Variants in ZNF214 observed in about 807,000 individuals in gnomAD.
ZNF214 encodes the protein zinc finger protein 214, also known as BWSCR2-associated zinc finger protein 1.
A neutral mutation model predicts 53.9 loss-of-function variants in ZNF214; 43 were observed. The observed-to-expected ratio is 0.80, with a 90% confidence interval of 0.63 to 1.03. The LOEUF (loss-of-function observed/expected upper bound fraction) is 1.03, where lower values mean the gene tolerates loss of function less well. ZNF214 is among the 50% of genes least tolerant of loss of function. The pLI, the probability that ZNF214 is intolerant of heterozygous loss-of-function variation, is 0.00. For synonymous variants in ZNF214, 217 were observed against 229.5 expected (o/e 0.95, Z 0.49); for missense variants, 724 against 719.1 (o/e 1.01, Z -0.08).
In ZNF214 at chr11:7,000,663, A is replaced by T; in HGVS notation, c.1020T>A (p.Ser340Arg). The part of the protein sequence containing the change: ...FYKIECDKDL[S>R]RNSLLHIHQR... ...GGTGAATGTGAAGTAATGAATTTCTACTGAGGTCTTTATCACACTCAATTT... is the reference window on the plus strand; with the variant it reads ...GGTGAATGTGAAGTAATGAATTTCTTCTGAGGTCTTTATCACACTCAATTT... Residue 340 changes from serine (S) to arginine (R), a missense_variant, in exon 3 of 3, where the codon AGT (serine) becomes AGA (arginine). Physicochemically the swap from Ser to Arg is moderately radical, Grantham distance 110. Transcript: ENST00000278314. 6.3e-7 allele frequency: 1 copy of T among 1,599,306 alleles called. No homozygotes were observed. The highest frequency in any genetic ancestry group is 2.2e-5 in the East Asian group (1 of 44,808).
Position 7,000,992 on chromosome 11 carries a change from T to C in ZNF214, c.691A>G (p.Asn231Asp). ...CNKCKGIYYWNSRCVFHKRNQ... is the reference protein window; with the variant it reads ...CNKCKGIYYWDSRCVFHKRNQ... Reference sequence around the variant, plus strand: ...CTCTTGTGGAAAACACACCGTGAGTTCCAATAATAAATTCCTTTACATTTA... The same window carrying C: ...CTCTTGTGGAAAACACACCGTGAGTCCCAATAATAAATTCCTTTACATTTA... Residue 231 changes from asparagine to aspartate, a missense_variant, in exon 3 of 3, where the codon AAC becomes GAC. Physicochemically the swap from Asn to Asp is conservative, Grantham distance 23 (BLOSUM62 1). Coordinates refer to ENST00000278314, the MANE Select transcript of ZNF214 (RefSeq NM_013249.4). 1 of 1,613,062 alleles carries C rather than the reference T, an allele frequency of 6.2e-7. No individual in the cohort carries two copies. Among genetic ancestry groups the C allele is most frequent in the Non-Finnish European group, 8.5e-7 (1 of 1,179,558 alleles).
rs78845975 is a variant in ZNF214, at chr11:6,999,111, T to C, written c.*751A>G. Among the ~76,000 whole-genome samples, 5,177 of 152,016 alleles carry C rather than the reference T, an allele frequency of 0.034. 301 individuals carry two copies. Among genetic ancestry groups the C allele is most frequent in the African/African-American group, 0.12 (4,857 of 41,476 alleles). ...CTTCCATTTCTAGCACTTTTGTCCA[T>C]ACCCTTCACACCTTAGAGAAAATTC... is the stretch of plus-strand genomic sequence containing the variant. On this transcript the variant is annotated 3_prime_UTR_variant, in exon 3 of 3. Transcript: ENST00000278314.
rs553485775 is a variant in ZNF214 at position 6,998,819 on chromosome 11, A to T, written c.*1043T>A. Reference sequence around the variant, plus strand: ...TTTCTTCAGTATTGCAATTCCCTCTAATTTTCCTAAACATGTCCACTTTTT... The same window carrying T: ...TTTCTTCAGTATTGCAATTCCCTCTTATTTTCCTAAACATGTCCACTTTTT... On this transcript the variant is annotated 3_prime_UTR_variant, in exon 3 of 3. Transcript: ENST00000278314. Among the ~76,000 whole-genome samples, 2 of 151,964 alleles carry T rather than the reference A, an allele frequency of 1.3e-5. No homozygotes were observed. The highest frequency in any genetic ancestry group is 4.8e-5 in the African/African-American group (2 of 41,500).
At position 6,997,229 on chromosome 11, in the gene ZNF214, T is replaced by C. The variant is rs537884360; in HGVS notation, c.*2633A>G. ...GTATTTTTGCCCAACTTAATGAGTT[T>C]AAATTAGTGCACTTTTCACCTTTAA... On this transcript the variant is annotated 3_prime_UTR_variant, in exon 3 of 3. Transcript: ENST00000278314. Among the ~76,000 whole-genome samples, 2 of 152,020 alleles carry C rather than the reference T, an allele frequency of 1.3e-5. No individual in the cohort carries two copies. The highest frequency in any genetic ancestry group is 4.8e-5 in the African/African-American group (2 of 41,552).
intron 1 of ZNF214, among the ~76,000 whole-genome samples, chr11:7,017,672 G>A (rs7108136): frequency 0.15 from 22,968 of 151,590 alleles, 2,148 homozygotes; most frequent in Non-Finnish European, 0.21. Flanking sequence ...CAGGGAGGCT[G>A]AGGTTGCAGT....
rs561893018 is a variant in ZNF214, at chr11:7,008,984, A to G, written c.-20-6129T>C. ...TTCTATGCTTATGGATAGACTCAAC[A>G]TAATCAAAATGGCCATACTGAAGCA... On this transcript the variant is annotated intron_variant, in intron 1 of 2. Coordinates refer to ENST00000278314, the MANE Select transcript of ZNF214 (RefSeq NM_013249.4). Among the ~76,000 whole-genome samples, 7 of 152,226 alleles carry G rather than the reference A, an allele frequency of 4.6e-5. No homozygotes were observed. In the East Asian group the frequency reaches 1.4e-3, roughly 29 times the overall value.
intron 1 of ZNF214, among the ~76,000 whole-genome samples, chr11:7,008,396 G>C (rs1851524200): frequency 6.6e-6 from 1 of 152,076 alleles, no homozygotes; most frequent in Non-Finnish European, 1.5e-5. Flanking sequence ...TTGTACCACT[G>C]CACTCCAGCC....
chr11:7,005,994 A>G (rs945446436), intron 1 of ZNF214, among the ~76,000 whole-genome samples: 1 of 152,042 alleles, frequency 6.6e-6, no homozygotes, highest in Admixed American at 6.6e-5. Context: ...GCAATCACCA[A>G]CTATGACCAG....
chr11:7,010,523 C>T (rs1415122485), intron 1 of ZNF214, among the ~76,000 whole-genome samples: 5 of 151,058 alleles, frequency 3.3e-5, no homozygotes, highest in Admixed American at 6.6e-5. Flanking sequence ...TCATGACTCA[C>T]AATTTATATA....
chr11:7,014,816 A>C (rs918833642), intron 1 of ZNF214, among the ~76,000 whole-genome samples: 6 of 149,102 alleles, frequency 4.0e-5, no homozygotes, highest in Non-Finnish European at 7.4e-5. Context: ...AAAAAAAAAA[A>C]AAACAAAAAA....
chr11:7,006,250 A>C (rs1279332617), intron 1 of ZNF214, among the ~76,000 whole-genome samples: 1 of 151,988 alleles, frequency 6.6e-6, no homozygotes, highest in Non-Finnish European at 1.5e-5. Context: ...TCCTTGACCA[A>C]CTAGGATGTA....
Position 7,001,131 on chromosome 11 carries a change from G to A in ZNF214, c.552C>T (p.Leu184=), listed in dbSNP as rs763371438. The change falls in exon 3 of 3, where the codon CTC becomes CTT. Residue 184 remains leucine, a synonymous_variant. Transcript: ENST00000278314. ...KNLSMEKEQK[L]IVQHSYIPVE... ...CTGGGATATAAGAATGCTGAACTAT[G>A]AGCTTCTGTTCTTTTTCCATGGAGA... 23 of 1,613,322 alleles carry A rather than the reference G, an allele frequency of 1.4e-5. No individual in the cohort carries two copies. The highest frequency in any genetic ancestry group is 2.2e-5 in the South Asian group (2 of 91,050).
In ZNF214 at chr11:6,999,875, C is replaced by G; in HGVS notation, c.1808G>C (p.Arg603Thr). The G allele has an allele frequency of 6.2e-7, 1 of 1,606,092 alleles. No homozygotes were observed. Among genetic ancestry groups the G allele is most frequent in the South Asian group, 1.1e-5 (1 of 90,366 alleles). The change falls in exon 3 of 3, where the codon AGA becomes ACA. Residue 603 changes from arginine to threonine, a missense_variant. Physicochemically the swap from Arg to Thr is moderately conservative, Grantham distance 71. Transcript: ENST00000278314. ...HNSHLHNNHRRGNL is the reference protein window; with the variant it reads ...HNSHLHNNHRTGNL The stretch of plus-strand genomic sequence containing the variant: ...AATGAACAATATTTATAAGTTTCCT[C>G]TTCTATGATTATTGTGAAGATGTGA...
At chr11:7,014,277 T>C (rs34775039) in intron 1 of ZNF214, among the ~76,000 whole-genome samples, 23,088 of 152,240 alleles carry the variant, frequency 0.15, 2,160 homozygotes, top group Non-Finnish European at 0.21. Context: ...ATTACACATG[T>C]ATACCAAAAG....
In ZNF214 at chr11:6,997,337, G is replaced by A. The variant is rs1440441278; in HGVS notation, c.*2525C>T. Among the ~76,000 whole-genome samples, 1 of 151,720 alleles carries A rather than the reference G, an allele frequency of 6.6e-6. No homozygotes were observed. The highest frequency in any genetic ancestry group is 1.5e-5 in the Non-Finnish European group (1 of 67,822). The stretch of plus-strand genomic sequence containing the variant: ...TTTAAGCAATATCACATTTTCATCT[G>A]TTATAGCACATAATTAGAAATTTTT... On this transcript the variant is annotated 3_prime_UTR_variant, in exon 3 of 3. Coordinates refer to ENST00000278314, the MANE Select transcript of ZNF214 (RefSeq NM_013249.4).
Position 7,001,361 on chromosome 11 carries a change from T to A in ZNF214, c.322A>T (p.Ile108Leu). Reference sequence around the variant, plus strand: ...TACCCTGGTACTTGTGTGGAGAGTATTAACCATTCCTGACACTGGGAACGA... The same window carrying A: ...TACCCTGGTACTTGTGTGGAGAGTAATAACCATTCCTGACACTGGGAACGA... ...QDRSQCQEWL[I>L]LSTQVPGYGN... The change falls in exon 3 of 3, where the codon ATA becomes TTA. Residue 108 changes from isoleucine (I) to leucine (L), a missense_variant. Ile to Leu is a conservative substitution (Grantham distance 5). Transcript: ENST00000278314. The A allele has an allele frequency of 1.2e-6, 2 of 1,613,208 alleles. No homozygotes were observed. Among genetic ancestry groups the A allele is most frequent in the Non-Finnish European group, 1.7e-6 (2 of 1,179,406 alleles).
rs905569147 is a variant in ZNF214 at position 6,997,956 on chromosome 11, A to G, written c.*1906T>C. Among the ~76,000 whole-genome samples, 1 of 151,914 alleles carries G rather than the reference A, an allele frequency of 6.6e-6. No homozygotes were observed. Among genetic ancestry groups the G allele is most frequent in the African/African-American group, 2.4e-5 (1 of 41,406 alleles). On this transcript the variant is annotated 3_prime_UTR_variant, in exon 3 of 3. Coordinates refer to ENST00000278314, the MANE Select transcript of ZNF214 (RefSeq NM_013249.4). The stretch of plus-strand genomic sequence containing the variant: ...TTTTGAAGTTTTGGAAACTATCCAG[A>G]CAACTGCATATCTAATTGATTTCAG...
Position 7,001,041 on chromosome 11 carries a change from C to T in ZNF214, c.642G>A (p.Met214Ile), listed in dbSNP as rs760268085. 3.1e-6 allele frequency: 5 copies of T among 1,613,098 alleles called. No homozygotes were observed. Among genetic ancestry groups the T allele is most frequent in the Non-Finnish European group, 4.2e-6 (5 of 1,179,570 alleles). ...ICQEDLLRDS[M>I]EEKYCGCNKC... ...TATTACATCCACAGTACTTTTCTTCCATTGAATCTCTCAGTAGGTCTTCTT... is the reference window on the plus strand; with the variant it reads ...TATTACATCCACAGTACTTTTCTTCTATTGAATCTCTCAGTAGGTCTTCTT... The change falls in exon 3 of 3, where the codon ATG becomes ATA. Residue 214 changes from methionine (M) to isoleucine (I), a missense_variant. Transcript: ENST00000278314.
In ZNF214 at chr11:7,000,789, T is replaced by C. The variant is rs761068351; in HGVS notation, c.894A>G (p.Ile298Met). 2.5e-6 allele frequency: 4 copies of C among 1,610,918 alleles called. No individual in the cohort carries two copies. In the South Asian group the frequency reaches 4.4e-5, roughly 18 times the overall value. The change falls in exon 3 of 3, where the codon ATA becomes ATG. Residue 298 changes from isoleucine (I) to methionine (M), a missense_variant. Transcript: ENST00000278314. ...CATTACAGCTATAAGGTACCTCCCC[T>C]ATGTGAACTCTCTGATGAAAGTGAA... The part of the protein sequence containing the change: ...SGVHFHQRVH[I>M]GEVPYSCNAC...
Sources: gnomAD v4.1 joint callset for allele counts (sites outside exome capture counted in the v4.1 genomes callset) on GRCh38, gnomAD v4.1.1 for gene constraint, MANE v1.5 for transcripts, NCBI Gene and HGNC (gene_info 2026-07-23, HGNC 2026-07-21) for gene names.